Variants in SMG6 observed in about 807,000 individuals in gnomAD.
The protein encoded by SMG6 is telomerase-binding protein EST1A.
A neutral mutation model predicts 142.2 loss-of-function variants in SMG6; 66 were observed. The observed-to-expected ratio is 0.46, with a 90% CI of 0.38 to 0.57. The LOEUF (loss-of-function observed/expected upper bound fraction) is 0.57, where lower values mean the gene tolerates loss of function less well. Among genes scored for constraint, SMG6 ranks in the 20% least tolerant of loss-of-function variants. The pLI is 0.00. For missense variants in SMG6, 1,793 were observed against 1,832.0 expected (o/e 0.98, Z 0.39); for synonymous variants, 779 against 702.4 (o/e 1.11, Z -1.72).
At position 2,068,833 on chromosome 17, in the gene SMG6, G is replaced by A. The variant is rs757145174; in HGVS notation, c.3780C>T (p.Ala1260=). 2 of 1,614,228 alleles carry A rather than the reference G, an allele frequency of 1.2e-6. No individual in the cohort carries two copies. The highest frequency in any genetic ancestry group is 1.7e-6 in the Non-Finnish European group (2 of 1,180,030). The change falls in exon 16 of 19, where the codon GCC becomes GCT. Residue 1260 remains alanine, a synonymous_variant. Transcript: ENST00000263073. The surrounding 1 kb of genome is among the most constrained non-coding windows in gnomAD (Gnocchi z 6.7). ...TGCTCTCCAGCAGCCGCGCCAGACTGGCCAGGTGGTCAATGAAGCCGTTGG... is the reference window on the plus strand; with the variant it reads ...TGCTCTCCAGCAGCCGCGCCAGACTAGCCAGGTGGTCAATGAAGCCGTTGG... The part of the protein sequence containing the change: ...PDTNGFIDHL[A]SLARLLESRK...
At chr17:2,237,417 G>T in intron 9 of SMG6, 1 of 657,418 alleles carries the variant, frequency 1.5e-6, no homozygotes, top group Non-Finnish European at 1.9e-6. Context: ...ACATAGTTCT[G>T]CTATTGTCTT....
intron 13 of SMG6, chr17:2,127,699 G>A: frequency 1.8e-6 from 1 of 567,004 alleles, no homozygotes; most frequent in Non-Finnish European, 3.5e-6. Flanking sequence ...TTTAGTATCT[G>A]TTCGGACTTT....
intron 8 of SMG6, among the ~76,000 whole-genome samples, chr17:2,280,159 A>AG (rs1250837118): frequency 1.3e-5 from 2 of 152,226 alleles, no homozygotes; most frequent in African/African-American, 2.4e-5. Flanking sequence ...CTACTGTGAG[A>AG]GAAAAAAAAG....
intron 13 of SMG6, among the ~76,000 whole-genome samples, chr17:2,090,182 C>CAAAA (rs71150849): frequency 1.0e-5 from 1 of 96,672 alleles, no homozygotes; most frequent in African/African-American, 4.1e-5. Flanking sequence ...GACTCTGTCT[C>CAAAA]AAAAAAAAAA....
chr17:2,274,524 T>C (rs1174453107), intron 8 of SMG6, among the ~76,000 whole-genome samples: 1 of 152,138 alleles, frequency 6.6e-6, no homozygotes, highest in Non-Finnish European at 1.5e-5. Flanking sequence ...AATCATTTGT[T>C]GGGTGAAGAT....
chr17:2,236,455 G>A (rs2073656041), intron 10 of SMG6, 37 bp downstream of exon 10: 1 of 1,597,390 alleles, frequency 6.3e-7, no homozygotes, highest in Admixed American at 1.7e-5. Context: ...ATCTCTATCT[G>A]TCTATATTCT....
chr17:2,166,829 T>TA (rs2071352724), intron 13 of SMG6, among the ~76,000 whole-genome samples: 1 of 151,914 alleles, frequency 6.6e-6, no homozygotes, highest in South Asian at 2.1e-4. Context: ...CAAAGACAGA[T>TA]ATAAGGGGAC....
At chr17:2,252,335 G>A (rs2074065335) in intron 8 of SMG6, among the ~76,000 whole-genome samples, 1 of 151,686 alleles carries the variant, frequency 6.6e-6, no homozygotes, top group Non-Finnish European at 1.5e-5. Context: ...GGGAGGTGGA[G>A]ACTGCAGTGA....
At chr17:2,296,731 T>C (rs905140460) in intron 4 of SMG6, among the ~76,000 whole-genome samples, 2 of 152,130 alleles carry the variant, frequency 1.3e-5, no homozygotes, top group African/African-American at 2.4e-5. Flanking sequence ...CGGTGGCTCA[T>C]GCCTGCAATC....
intron 8 of SMG6, among the ~76,000 whole-genome samples, chr17:2,245,456 G>T (rs1011398024): frequency 1.3e-5 from 2 of 152,164 alleles, no homozygotes; most frequent in African/African-American, 2.4e-5. Flanking sequence ...TATGATTTCA[G>T]CTCACTGCAA....
intron 13 of SMG6, among the ~76,000 whole-genome samples, chr17:2,122,184 G>C (rs777300970): frequency 2.0e-5 from 3 of 152,168 alleles, no homozygotes; most frequent in Non-Finnish European, 2.9e-5. Flanking sequence ...GAGGGAGAGA[G>C]AGAAATAAAC....
intron 12 of SMG6, among the ~76,000 whole-genome samples, chr17:2,176,502 G>A (rs1311369245): frequency 6.6e-6 from 1 of 152,120 alleles, no homozygotes; most frequent in African/African-American, 2.4e-5. Context: ...GGTTTGTTCT[G>A]GTTCAATGCA....
chr17:2,129,667 T>G (rs1197120449), intron 13 of SMG6, among the ~76,000 whole-genome samples: 1 of 150,820 alleles, frequency 6.6e-6, no homozygotes, highest in Non-Finnish European at 1.5e-5. Flanking sequence ...GGTGGTGCGC[T>G]CCTGTAACCA....
At chr17:2,259,487 G>A (rs980457888) in intron 8 of SMG6, among the ~76,000 whole-genome samples, 2 of 151,984 alleles carry the variant, frequency 1.3e-5, no homozygotes, top group African/African-American at 4.8e-5. Context: ...ACCAGCCTGG[G>A]CAACACAGTG....
chr17:2,276,450 T>A (rs1486528882), intron 8 of SMG6, among the ~76,000 whole-genome samples: 1 of 152,312 alleles, frequency 6.6e-6, no homozygotes, highest in East Asian at 1.9e-4. Flanking sequence ...AATGGTGCGA[T>A]CTTGGCTCAC....
intron 10 of SMG6, among the ~76,000 whole-genome samples, chr17:2,204,499 C>T (rs1318111389): frequency 2.0e-5 from 3 of 152,186 alleles, no homozygotes; most frequent in Non-Finnish European, 4.4e-5. Context: ...ACCCCACCCA[C>T]TGTGGTGCAT....
intron 13 of SMG6, among the ~76,000 whole-genome samples, chr17:2,097,206 G>A (rs899988162): frequency 6.7e-6 from 1 of 150,318 alleles, no homozygotes; most frequent in African/African-American, 2.5e-5. Flanking sequence ...CCAGGCTGGT[G>A]TGCAGTGGCA....
chr17:2,295,691 C>G (rs1017946085), intron 4 of SMG6, among the ~76,000 whole-genome samples: 12 of 152,148 alleles, frequency 7.9e-5, no homozygotes, highest in Non-Finnish European at 1.6e-4. Flanking sequence ...CAACCACCAC[C>G]TGTATCATGA....
At chr17:2,076,193 G>GT (rs1311917947) in intron 15 of SMG6, among the ~76,000 whole-genome samples, 1 of 152,038 alleles carries the variant, frequency 6.6e-6, no homozygotes, top group African/African-American at 2.4e-5. Flanking sequence ...TGCCACATCT[G>GT]TGAGAGGCGC....
Sources: allele counts gnomAD v4.1 joint callset (sites outside exome capture counted in the v4.1 genomes callset), GRCh38; gene constraint gnomAD v4.1.1; non-coding constraint Gnocchi (gnomAD v3.1); transcripts MANE v1.5; gene names NCBI Gene and HGNC (gene_info 2026-07-23, HGNC 2026-07-21).